Variants in MFN2 observed in about 807,000 individuals in gnomAD.
The protein encoded by MFN2 is mitofusin-2.
In MFN2, 43 loss-of-function variants were observed where a neutral mutation model predicts 87.5. The observed-to-expected ratio is 0.49, with a 90% CI of 0.38 to 0.63. The LOEUF (loss-of-function observed/expected upper bound fraction) is 0.63. Among genes scored for constraint, MFN2 ranks in the 30% least tolerant of loss-of-function variants. The pLI, the probability that MFN2 is intolerant of heterozygous loss-of-function variation, is 0.00. For synonymous variants in MFN2, 337 were observed against 359.9 expected (o/e 0.94, Z 0.72); for missense variants, 743 against 972.8 (o/e 0.76, Z 3.14).
chr1:11,988,996 C>T (rs1164348826), intron 2 of MFN2, among the ~76,000 whole-genome samples, 169 bp from the exon 3 acceptor site: 1 of 152,078 alleles, frequency 6.6e-6, no homozygotes, highest in Admixed American at 6.6e-5. Flanking sequence ...GCCACCGCGC[C>T]CAGCCTGAGA....
chr1:12,002,066 A>G lies in MFN2; in HGVS notation c.1123A>G (p.Ile375Val). Residue 375 changes from isoleucine to valine, a missense_variant, in exon 11 of 19, where the codon ATC (isoleucine) becomes GTC (valine). By Grantham distance (29) the Ile-to-Val change is conservative. This residue lies in a region of MFN2 where 571 missense variants were observed against 670.7 expected (regional missense o/e 0.85). Coordinates refer to ENST00000235329, the MANE Select transcript of MFN2 (RefSeq NM_014874.4). ...AKQIAEAVRL[I>V]MDSLHMAARE... ...GCAGATTGCAGAGGCGGTTCGACTC[A>G]TCATGGACTCCCTGCACATGGCGGC... 7 of 1,614,256 alleles carry G rather than the reference A, an allele frequency of 4.3e-6. No individual in the cohort carries two copies. Among genetic ancestry groups the G allele is most frequent in the Non-Finnish European group, 5.1e-6 (6 of 1,180,048 alleles).
rs1639244548 is a variant in MFN2, at chr1:12,003,036, A to G, written c.1160+933A>G. Among the ~76,000 whole-genome samples the G allele has an allele frequency of 6.6e-6, 1 of 152,032 alleles. No individual in the cohort carries two copies. Among genetic ancestry groups the G allele is most frequent in the Non-Finnish European group, 1.5e-5 (1 of 68,008 alleles). On this transcript the variant is annotated intron_variant, in intron 11 of 18. Coordinates refer to ENST00000235329, the MANE Select transcript of MFN2 (RefSeq NM_014874.4). This position sits in a 1 kb window ranked among gnomAD's most constrained non-coding sequence, Gnocchi z 4.1. ...GTTTATGAATCGGAACTGCTGTAGT[A>G]TATTCCATTGTGAATATGCCTCATT...
At chr1:11,994,695 G>A (rs1638836132) in intron 4 of MFN2, among the ~76,000 whole-genome samples, 1 of 152,212 alleles carries the variant, frequency 6.6e-6, no homozygotes, top group Admixed American at 6.5e-5. Context: ...TCTTGACCCT[G>A]ATGAACTGTA....
At chr1:11,984,562 C>T (rs181446954) in intron 2 of MFN2, among the ~76,000 whole-genome samples, 89 of 152,304 alleles carry the variant, frequency 5.8e-4, no homozygotes, top group Middle Eastern at 3.4e-3. Flanking sequence ...TATCCACAGC[C>T]CTTGTTATGG....
chr1:12,011,968 C>T lies in MFN2; in HGVS notation c.*403C>T, dbSNP rs529323817. 1.3e-4 allele frequency: 34 copies of T among 255,046 alleles called. No homozygotes were observed. Among genetic ancestry groups the T allele is most frequent in the Admixed American group, 4.8e-4 (10 of 20,828 alleles). The allele number at this position is 255,046 out of a possible 1,614,324, so 15.8% of individuals were successfully genotyped here. A position where few individuals can be genotyped will look rare whatever the true frequency, so the allele number is the denominator to read the frequency against. ...TTCCTCCAGCCTGTGCGCACCTGCC[C>T]TCCTTGCAGCCCAGCACACCTGCAG... On this transcript the variant is annotated 3_prime_UTR_variant, in exon 19 of 19. Coordinates refer to ENST00000235329, the MANE Select transcript of MFN2 (RefSeq NM_014874.4).
In MFN2 at chr1:12,003,930, C is replaced by T. The variant is rs1557529868; in HGVS notation, c.1161-62C>T. 2 of 1,611,134 alleles carry T rather than the reference C, an allele frequency of 1.2e-6. No homozygotes were observed. Among genetic ancestry groups the T allele is most frequent in the South Asian group, 1.1e-5 (1 of 90,952 alleles). The stretch of plus-strand genomic sequence containing the variant: ...GGGCGGCGTGGGATTTCTGGCATCC[C>T]CTCTTGCTCCTCTGCTTAGTCAGAC... On this transcript the variant is annotated intron_variant, in intron 11 of 18. Transcript: ENST00000235329. This position sits in a 1 kb window ranked among gnomAD's most constrained non-coding sequence, Gnocchi z 4.1.
chr1:12,000,486 G>A (rs948950885), intron 8 of MFN2, among the ~76,000 whole-genome samples: 2 of 152,192 alleles, frequency 1.3e-5, no homozygotes, highest in Admixed American at 6.5e-5. Flanking sequence ...CACTGTGCCC[G>A]CTTGTGACTG....
chr1:11,994,880 A>T (rs541432867), intron 4 of MFN2, among the ~76,000 whole-genome samples: 3 of 152,114 alleles, frequency 2.0e-5, no homozygotes, highest in Non-Finnish European at 2.9e-5. Context: ...AATGAGAAAC[A>T]CTGTGTTTAG....
Position 11,999,099 on chromosome 1 carries a change from C to T in MFN2, c.816+4C>T, listed in dbSNP as rs374018931. 29 of 1,613,742 alleles carry T rather than the reference C, an allele frequency of 1.8e-5. No individual in the cohort carries two copies. The highest frequency in any genetic ancestry group is 3.3e-4 in the Middle Eastern group (2 of 6,082). On this transcript the variant is annotated splice_donor_region_variant and intron_variant, in intron 8 of 18. Coordinates refer to ENST00000235329, the MANE Select transcript of MFN2 (RefSeq NM_014874.4). ...AGAGCCCGAGTACATGGAGGAGGTT[C>T]GTGCTTCTGTTTGGCAGTTTGGGGA...
At chr1:12,007,356 A>C (rs1284674529) in intron 17 of MFN2, 107 bp downstream of exon 17, 2 of 1,372,762 alleles carry the variant, frequency 1.5e-6, no homozygotes, top group East Asian at 2.5e-5. Context: ...ACTGGGTCCT[A>C]AGCATCGTAG....
chr1:11,996,254 A>G lies in MFN2; in HGVS notation c.410A>G (p.Glu137Gly), dbSNP rs1398128055. 1 of 1,614,196 alleles carries G rather than the reference A, an allele frequency of 6.2e-7. No individual in the cohort carries two copies. Among genetic ancestry groups the G allele is most frequent in the Non-Finnish European group, 8.5e-7 (1 of 1,180,030 alleles). Residue 137 changes from glutamate to glycine, a missense_variant, in exon 5 of 19, where the codon GAG (glutamate) becomes GGG (glycine). Transcript: ENST00000235329. Reference protein sequence around the residue: ...GHTTNCFLRVEGTDGHEAFLL... With the variant: ...GHTTNCFLRVGGTDGHEAFLL... ...ACCACCAATTGCTTCCTGCGGGTAG[A>G]GGGCACAGATGGCCATGAGGCCTTT...
intron 2 of MFN2, among the ~76,000 whole-genome samples, chr1:11,986,906 G>A (rs1638434184): frequency 6.6e-6 from 1 of 152,090 alleles, no homozygotes; most frequent in Non-Finnish European, 1.5e-5. Context: ...AGACCTCTAG[G>A]ACTTTGGAGT....
At chr1:12,008,454 C>T (rs184440302) in intron 17 of MFN2, among the ~76,000 whole-genome samples, 80,128 of 144,082 alleles carry the variant, frequency 0.56, 22,258 homozygotes, top group South Asian at 0.63. Context: ...GACGGGGCGG[C>T]TGGCCGGGCG....
chr1:11,992,881 C>T (rs1638752255), intron 4 of MFN2, among the ~76,000 whole-genome samples, 191 bp downstream of exon 4: 3 of 151,538 alleles, frequency 2.0e-5, no homozygotes, highest in Admixed American at 6.6e-5. Context: ...AAGCTCATTA[C>T]AGCCTCGACC....
Position 12,004,667 on chromosome 1 carries a change from A to G in MFN2, c.1392+54A>G. The G allele has an allele frequency of 1.3e-6, 2 of 1,569,704 alleles. No individual in the cohort carries two copies. The highest frequency in any genetic ancestry group is 8.8e-7 in the Non-Finnish European group (1 of 1,140,068). ...GCAGGAGGCCCCCAAAAGTGATTCAACCCCTGTTGGTCTGGGTCAGGGCCC... is the reference window on the plus strand; with the variant it reads ...GCAGGAGGCCCCCAAAAGTGATTCAGCCCCTGTTGGTCTGGGTCAGGGCCC... On this transcript the variant is annotated intron_variant, in intron 13 of 18. Transcript: ENST00000235329. This position sits in a 1 kb window ranked among gnomAD's most constrained non-coding sequence, Gnocchi z 4.2.
intron 3 of MFN2, among the ~76,000 whole-genome samples, chr1:11,991,219 G>T (rs1341773941): frequency 6.6e-6 from 1 of 152,230 alleles, no homozygotes; most frequent in Non-Finnish European, 1.5e-5. Context: ...AAACATTTGT[G>T]CACCTGCTGG....
At chr1:11,998,938 G>C (rs746340749) in intron 7 of MFN2, 50 bp from the exon 8 acceptor site, 3 of 1,612,056 alleles carry the variant, frequency 1.9e-6, no homozygotes, top group East Asian at 4.5e-5. Context: ...CAGCTGATGG[G>C]GCCTTGGCTG....
chr1:11,987,311 C>CAA (rs78088488), intron 2 of MFN2, among the ~76,000 whole-genome samples: 4 of 134,312 alleles, frequency 3.0e-5, no homozygotes, highest in East Asian at 4.4e-4. Flanking sequence ...GACTCTGTCT[C>CAA]AAAAAAAAAA....
At position 11,989,145 on chromosome 1, in the gene MFN2, C is replaced by A; in HGVS notation, c.-4-20C>A. The A allele has an allele frequency of 6.2e-7, 1 of 1,613,624 alleles. No individual in the cohort carries two copies. Among genetic ancestry groups the A allele is most frequent in the South Asian group, 1.1e-5 (1 of 91,052 alleles). On this transcript the variant is annotated intron_variant, in intron 2 of 18. Transcript: ENST00000235329. ...CGAGGTAGGTGTTGCTGGGTTCGCT[C>A]ACGTTAGCTTCTCTTGCAGCGCAAT...
Sources: allele counts gnomAD v4.1 joint callset (sites outside exome capture counted in the v4.1 genomes callset), GRCh38; gene constraint gnomAD v4.1.1; regional missense constraint gnomAD v4.1.1; non-coding constraint Gnocchi (gnomAD v3.1); transcripts MANE v1.5; gene names NCBI Gene and HGNC (gene_info 2026-07-23, HGNC 2026-07-21).